The following LRRC4C variants were observed in gnomAD, a reference collection of about 807,000 sequenced individuals.
LRRC4C encodes leucine rich repeat containing 4C.
A neutral mutation model predicts 33.6 loss-of-function variants in LRRC4C; 5 were observed. The observed-to-expected ratio is 0.15, with a 90% CI of 0.08 to 0.31. The LOEUF is 0.31. Ranked by LOEUF, LRRC4C falls within the 10% of genes least tolerant of loss-of-function variation. LRRC4C has a pLI of 1.00. For missense variants in LRRC4C, 560 were observed against 796.7 expected (o/e 0.70, Z 3.58); for synonymous variants, 329 against 302.0 (o/e 1.09, Z -0.93).
chr11:41,193,910 C>T (rs1371769432), intron 1 of LRRC4C, among the ~76,000 whole-genome samples: 2 of 151,512 alleles, frequency 1.3e-5, no homozygotes. Flanking sequence ...ATAATACAGC[C>T]AAAAAGAGAG....
chr11:40,971,730 C>A lies in LRRC4C; in HGVS notation c.-495-38007G>T, dbSNP rs371486192. On this transcript the variant is annotated intron_variant, in intron 1 of 6. Transcript: ENST00000528697. ...ACCTGGTAAAGCCCCAGGCACTGAG[C>A]ACCAGCCCTTGAGAGCAGCCATGAA... Among the ~76,000 whole-genome samples the A allele has an allele frequency of 1.2e-4, 19 of 152,272 alleles. No homozygotes were observed. In the South Asian group the frequency reaches 3.5e-3, roughly 28 times the overall value.
At chr11:41,083,318 C>T (rs1160165610) in intron 1 of LRRC4C, among the ~76,000 whole-genome samples, 3 of 152,032 alleles carry the variant, frequency 2.0e-5, no homozygotes, top group East Asian at 3.9e-4. Context: ...GTTACCCATA[C>T]ACTAGCAGGT....
chr11:41,304,705 G>T (rs1469751748), intron 1 of LRRC4C, among the ~76,000 whole-genome samples: 2 of 74,488 alleles, frequency 2.7e-5, no homozygotes, highest in Admixed American at 1.8e-4. Flanking sequence ...CAGCCACCCC[G>T]TCCGGGAGGG....
intron 1 of LRRC4C, among the ~76,000 whole-genome samples, chr11:41,433,751 G>A (rs1036504450): frequency 2.6e-5 from 4 of 151,898 alleles, no homozygotes; most frequent in Non-Finnish European, 5.9e-5. Context: ...GGCCTATTGT[G>A]GGACCTTGTG....
At chr11:40,674,943 C>T (rs958567436) in intron 2 of LRRC4C, among the ~76,000 whole-genome samples, 4 of 152,194 alleles carry the variant, frequency 2.6e-5, no homozygotes, top group African/African-American at 9.6e-5. Flanking sequence ...CAGAACCAGA[C>T]TTCAAATCCA....
intron 1 of LRRC4C, among the ~76,000 whole-genome samples, chr11:41,359,989 C>A (rs1000369872): frequency 6.6e-6 from 1 of 152,158 alleles, no homozygotes; most frequent in Non-Finnish European, 1.5e-5. Flanking sequence ...TTGAGCCCGG[C>A]CTGACCAACA....
intron 1 of LRRC4C, among the ~76,000 whole-genome samples, chr11:41,273,655 C>G (rs1949389599): frequency 6.6e-6 from 1 of 152,068 alleles, no homozygotes; most frequent in Admixed American, 6.6e-5. Flanking sequence ...AGACAAATTC[C>G]AGAGATCTGC....
intron 1 of LRRC4C, among the ~76,000 whole-genome samples, chr11:41,252,318 T>A (rs990507635): frequency 6.6e-6 from 1 of 152,168 alleles, no homozygotes; most frequent in Non-Finnish European, 1.5e-5. Flanking sequence ...GTGTACCCTA[T>A]CTTTCTTGGT....
chr11:41,340,425 T>C (rs764939994), intron 1 of LRRC4C, among the ~76,000 whole-genome samples: 2 of 152,228 alleles, frequency 1.3e-5, no homozygotes, highest in Non-Finnish European at 2.9e-5. Flanking sequence ...CTCCAGGACT[T>C]TAATCACAAA....
chr11:41,453,658 GTA>G (rs922230200), intron 1 of LRRC4C, among the ~76,000 whole-genome samples: 2 of 151,952 alleles, frequency 1.3e-5, no homozygotes, highest in African/African-American at 4.8e-5. Context: ...TATTTTGTGT[GTA>G]TGTGTGTGTG....
intron 3 of LRRC4C, among the ~76,000 whole-genome samples, chr11:40,545,684 C>T (rs901756715): frequency 9.9e-5 from 15 of 151,946 alleles, no homozygotes; most frequent in Admixed American, 5.9e-4. Flanking sequence ...GTTCACCTTG[C>T]GCTTTAACCT....
chr11:41,187,323 A>G (rs376170443), intron 1 of LRRC4C, among the ~76,000 whole-genome samples: 1 of 152,202 alleles, frequency 6.6e-6, no homozygotes, highest in African/African-American at 2.4e-5. Context: ...CTGGACGTTG[A>G]GAAGAACACA....
intron 3 of LRRC4C, among the ~76,000 whole-genome samples, chr11:40,523,542 A>G (rs1955911752): frequency 6.7e-6 from 1 of 149,232 alleles, no homozygotes; most frequent in Non-Finnish European, 1.5e-5. Context: ...TAAATATTAT[A>G]TATAAATGAA....
intron 2 of LRRC4C, among the ~76,000 whole-genome samples, chr11:40,657,049 A>T (rs1943159062): frequency 6.6e-6 from 1 of 152,246 alleles, no homozygotes; most frequent in African/African-American, 2.4e-5. Context: ...TACCAAAAAA[A>T]GTGTAAAAAA....
At chr11:40,784,295 G>C (rs2137305479) in intron 2 of LRRC4C, among the ~76,000 whole-genome samples, 1 of 152,216 alleles carries the variant, frequency 6.6e-6, no homozygotes, top group Non-Finnish European at 1.5e-5. Context: ...CCTACAGAAG[G>C]CTGAAGAGTT....
At chr11:40,352,367 A>G (rs2137094324) in intron 3 of LRRC4C, among the ~76,000 whole-genome samples, 1 of 152,186 alleles carries the variant, frequency 6.6e-6, no homozygotes, top group Middle Eastern at 3.4e-3. Context: ...ACAAACAAGC[A>G]AAGAGAAAAC....
chr11:40,428,763 G>T (rs370338956), intron 3 of LRRC4C, among the ~76,000 whole-genome samples: 1 of 152,116 alleles, frequency 6.6e-6, no homozygotes, highest in African/African-American at 2.4e-5. Flanking sequence ...TTTTCCAGTG[G>T]TCTTGGTACA....
At chr11:40,541,561 C>A (rs1956708560) in intron 3 of LRRC4C, among the ~76,000 whole-genome samples, 1 of 152,132 alleles carries the variant, frequency 6.6e-6, no homozygotes, top group African/African-American at 2.4e-5. Context: ...TGGGTGGGAA[C>A]AGTCCTTCTC....
chr11:40,366,257 A>G (rs543368380), intron 3 of LRRC4C, among the ~76,000 whole-genome samples: 63 of 152,200 alleles, frequency 4.1e-4, no homozygotes, highest in Non-Finnish European at 3.8e-4. Flanking sequence ...GTATTTGGAT[A>G]ATAAACTGTA....
Sources: allele counts gnomAD v4.1 joint callset (sites outside exome capture counted in the v4.1 genomes callset), GRCh38; gene constraint gnomAD v4.1.1; transcripts MANE v1.5; gene names NCBI Gene and HGNC (gene_info 2026-07-23, HGNC 2026-07-21).